The following PHIP variants were observed in gnomAD, a reference collection of about 807,000 sequenced individuals.
The protein encoded by PHIP is PHIP subunit of CUL4-Ring ligase complex.
PHIP carries 54 observed loss-of-function variants against 236.8 expected under a neutral mutation model. That is an observed-to-expected ratio of 0.23 (90% CI 0.18 to 0.29). PHIP has a LOEUF of 0.29. PHIP is among the 10% of genes least tolerant of loss of function. The pLI is 1.00. For synonymous variants in PHIP, 756 were observed against 718.9 expected, an observed-to-expected ratio of 1.05 and a Z score of -0.83; for missense variants, 1,370 against 2,190.8, an observed-to-expected ratio of 0.63 and a Z score of 7.48.
At position 78,941,075 on chromosome 6, in the gene PHIP, A is replaced by C; in HGVS notation, c.5084T>G (p.Leu1695Arg). ...EVLPSSTCNFLSETNNVKEDL... is the reference protein window; with the variant it reads ...EVLPSSTCNFRSETNNVKEDL... Reference sequence around the variant, plus strand: ...TTCCTTTACATTATTAGTTTCAGAAAGAAAATTGCATGTTGAAGAAGGAAG... The same window carrying C: ...TTCCTTTACATTATTAGTTTCAGAACGAAAATTGCATGTTGAAGAAGGAAG... Residue 1695 changes from leucine (L) to arginine (R), a missense_variant, in exon 40 of 40, where the codon CTT becomes CGT. Physicochemically the swap from Leu to Arg is moderately radical, Grantham distance 102. This residue lies in a region of PHIP where 309 missense variants were observed against 328.3 expected (regional missense o/e 0.94). Transcript: ENST00000275034. The C allele has an allele frequency of 6.2e-7, 1 of 1,614,114 alleles. No homozygotes were observed. The highest frequency in any genetic ancestry group is 8.5e-7 in the Non-Finnish European group (1 of 1,179,990).
At chr6:78,976,021 C>T (rs1158633293) in intron 24 of PHIP, among the ~76,000 whole-genome samples, 19 of 151,952 alleles carry the variant, frequency 1.3e-4, no homozygotes, top group Non-Finnish European at 1.6e-4. Context: ...TTGGAAAAAA[C>T]TACTTTAAAG....
intron 24 of PHIP, among the ~76,000 whole-genome samples, chr6:78,977,299 T>G (rs1203211187): frequency 6.6e-6 from 1 of 151,308 alleles, no homozygotes; most frequent in Non-Finnish European, 1.5e-5. Flanking sequence ...CACCGCATAT[T>G]CTCACTCATA....
intron 4 of PHIP, among the ~76,000 whole-genome samples, chr6:79,076,442 C>G (rs182291820): frequency 6.6e-6 from 1 of 152,280 alleles, no homozygotes; most frequent in African/African-American, 2.4e-5. Flanking sequence ...CACACATATT[C>G]ACACAACGAA....
At chr6:78,942,496 A>G (rs968710740) in intron 39 of PHIP, among the ~76,000 whole-genome samples, 3 of 152,146 alleles carry the variant, frequency 2.0e-5, no homozygotes, top group Non-Finnish European at 4.4e-5. Flanking sequence ...AAACAAAACA[A>G]AACAAAACAA....
At chr6:79,031,030 G>A (rs1211883440) in intron 7 of PHIP, among the ~76,000 whole-genome samples, 3 of 151,734 alleles carry the variant, frequency 2.0e-5, no homozygotes, top group African/African-American at 7.3e-5. Flanking sequence ...TGCAACCTCC[G>A]CAGCCCAGGT....
chr6:79,008,700 A>C (rs970923775), intron 15 of PHIP, among the ~76,000 whole-genome samples: 4 of 152,154 alleles, frequency 2.6e-5, no homozygotes, highest in Admixed American at 2.0e-4. Context: ...ACTATATACT[A>C]TAAGAAACAC....
intron 17 of PHIP, 119 bp from the exon 18 acceptor site, chr6:78,998,510 A>G (rs187461061): frequency 7.6e-6 from 5 of 656,944 alleles, no homozygotes; most frequent in Non-Finnish European, 1.3e-5. Flanking sequence ...AAAAGACTTA[A>G]ATGATCAACT....
chr6:79,058,823 G>A (rs1300432529), intron 6 of PHIP, among the ~76,000 whole-genome samples: 5 of 152,092 alleles, frequency 3.3e-5, no homozygotes, highest in Non-Finnish European at 5.9e-5. Context: ...GAAAGAACAA[G>A]CATAACGTGT....
intron 6 of PHIP, among the ~76,000 whole-genome samples, chr6:79,049,225 A>G (rs996179696): frequency 2.6e-5 from 4 of 151,352 alleles, no homozygotes; most frequent in Non-Finnish European, 5.9e-5. Context: ...ACCATGCCTA[A>G]TTTTTCTTGT....
At chr6:79,044,021 GTA>G (rs1394142661) in intron 6 of PHIP, among the ~76,000 whole-genome samples, 1 of 151,820 alleles carries the variant, frequency 6.6e-6, no homozygotes, top group Non-Finnish European at 1.5e-5. Context: ...AAGAATCTCA[GTA>G]TTGCTTATAT....
At chr6:78,997,660 G>GA (rs1256425525) in intron 18 of PHIP, 63 bp from the exon 19 acceptor site, 2 of 1,234,170 alleles carry the variant, frequency 1.6e-6, no homozygotes, top group East Asian at 5.0e-5. Context: ...GTTTATAACA[G>GA]AAAAAAGAGA....
At chr6:79,045,856 A>G (rs1006663749) in intron 6 of PHIP, among the ~76,000 whole-genome samples, 4 of 152,198 alleles carry the variant, frequency 2.6e-5, no homozygotes, top group African/African-American at 9.7e-5. Context: ...TTTCATAAGT[A>G]TAGTGATAGA....
intron 6 of PHIP, among the ~76,000 whole-genome samples, chr6:79,047,756 T>C (rs572425998): frequency 3.9e-5 from 6 of 152,160 alleles, no homozygotes; most frequent in African/African-American, 1.2e-4. Context: ...TGCTTTAATA[T>C]GAAGTTCTCC....
At chr6:79,032,810 G>A (rs1387446564) in intron 7 of PHIP, among the ~76,000 whole-genome samples, 1 of 151,402 alleles carries the variant, frequency 6.6e-6, no homozygotes, top group East Asian at 1.9e-4. Context: ...CTCAATTACA[G>A]GTGAAACAGG....
intron 14 of PHIP, 101 bp downstream of exon 14, chr6:79,015,529 A>G: frequency 1.1e-6 from 1 of 888,166 alleles, no homozygotes; most frequent in Non-Finnish European, 1.7e-6. Context: ...CCAGCAAGCA[A>G]GAGTTTTTAG....
intron 4 of PHIP, among the ~76,000 whole-genome samples, chr6:79,073,409 C>G (rs1475390246): frequency 1.7e-4 from 26 of 152,118 alleles, no homozygotes; most frequent in Admixed American, 1.7e-3. Context: ...TTCATTGATA[C>G]TCTACTAAAA....
intron 4 of PHIP, among the ~76,000 whole-genome samples, chr6:79,072,149 G>A (rs1773914720): frequency 6.6e-6 from 1 of 152,146 alleles, no homozygotes; most frequent in Non-Finnish European, 1.5e-5. Flanking sequence ...TATTGTGATG[G>A]TTGTAAATCT....
intron 4 of PHIP, among the ~76,000 whole-genome samples, chr6:79,070,415 T>C (rs1277735487): frequency 6.6e-6 from 1 of 152,204 alleles, no homozygotes; most frequent in Non-Finnish European, 1.5e-5. Context: ...AACACAATTC[T>C]TATACAATGA....
At chr6:79,052,819 A>G (rs1011802447) in intron 6 of PHIP, among the ~76,000 whole-genome samples, 3 of 152,202 alleles carry the variant, frequency 2.0e-5, no homozygotes, top group Non-Finnish European at 4.4e-5. Context: ...GCAAAATTCA[A>G]ACACCTGCTA....
Sources: gnomAD v4.1 joint callset for allele counts (sites outside exome capture counted in the v4.1 genomes callset) on GRCh38, gnomAD v4.1.1 for gene constraint, gnomAD v4.1.1 regional missense constraint, MANE v1.5 for transcripts, NCBI Gene and HGNC (gene_info 2026-07-23, HGNC 2026-07-21) for gene names.